SMARCA2: variants seen among roughly 807,000 people sequenced by gnomAD.
SMARCA2 encodes SWI/SNF related BAF chromatin remodeling complex subunit ATPase 2.
A neutral mutation model predicts 199.8 loss-of-function variants in SMARCA2; 61 were observed. That is an observed-to-expected ratio of 0.31 (90% CI 0.25 to 0.38). The LOEUF (loss-of-function observed/expected upper bound fraction) is 0.38, where lower values mean the gene tolerates loss of function less well. Ranked by LOEUF, SMARCA2 falls within the 10% of genes least tolerant of loss-of-function variation. The pLI is 1.00. For missense variants in SMARCA2, 1,344 were observed against 2,012.2 expected, an observed-to-expected ratio of 0.67 and a Z score of 6.35; for synonymous variants, 935 against 732.0, an observed-to-expected ratio of 1.28 and a Z score of -4.48.
chr9:2,025,807 C>G (rs968867604), intron 1 of SMARCA2, among the ~76,000 whole-genome samples: 1 of 152,022 alleles, frequency 6.6e-6, no homozygotes, highest in African/African-American at 2.4e-5. Context: ...AATTGCCACC[C>G]GAAATGTAGA....
intron 27 of SMARCA2, among the ~76,000 whole-genome samples, chr9:2,142,838 T>C (rs998931470): frequency 6.6e-6 from 1 of 152,132 alleles, no homozygotes; most frequent in African/African-American, 2.4e-5. Context: ...CGCGTTTCCC[T>C]AGCAAGCTCT....
chr9:2,187,334 A>C (rs1263760687), intron 32 of SMARCA2, among the ~76,000 whole-genome samples: 1 of 152,176 alleles, frequency 6.6e-6, no homozygotes, highest in Non-Finnish European at 1.5e-5. Flanking sequence ...GCCGTGACTG[A>C]TAACCCAAAT....
At chr9:2,029,329 CTGT>C (rs1329494650) in intron 2 of SMARCA2, 82 bp downstream of exon 2, 1 of 1,523,194 alleles carries the variant, frequency 6.6e-7, no homozygotes, top group African/African-American at 1.4e-5. Flanking sequence ...CCCCTTTCTA[CTGT>C]TGTTAACAAG....
rs1190193582 is a variant in SMARCA2 at position 2,156,347 on chromosome 9, T to TC, written c.3982-5339_3982-5338insC. On this transcript the variant is annotated intron_variant, in intron 27 of 33. Transcript: ENST00000349721. Reference sequence around the variant, plus strand: ...GGGTTAAGTTGTTCCTTAATTTAGATAATTTGGTTTCTTTTCAGGGACTTT... The same window carrying TC: ...GGGTTAAGTTGTTCCTTAATTTAGATCAATTTGGTTTCTTTTCAGGGACTTT... Among the ~76,000 whole-genome samples, 5 of 107,160 alleles carry TC rather than the reference T, an allele frequency of 4.7e-5. No individual in the cohort carries two copies. The East Asian group carries it at 1.4e-3, about 29-fold the overall frequency. 70.3% of individuals were successfully genotyped at this position (107,160 alleles called of 152,430 possible). A position where few individuals can be genotyped will look rare whatever the true frequency, so the allele number is the denominator to read the frequency against.
intron 29 of SMARCA2, among the ~76,000 whole-genome samples, chr9:2,174,136 G>A (rs1260443569): frequency 6.6e-6 from 1 of 152,018 alleles, no homozygotes. Context: ...TTATCTTCCA[G>A]CATTAGCCTG....
In SMARCA2 at chr9:2,170,285, G is replaced by A. The variant is rs73376704; in HGVS notation, c.4200-134G>A. ...CGAATGAGGTTCCAAACATAACCCC[G>A]TGTAATCTTCCTAACAAGGCAGGTT... On this transcript the variant is annotated intron_variant, in intron 28 of 33. Transcript: ENST00000349721. This position sits in a 1 kb window ranked among gnomAD's most constrained non-coding sequence, Gnocchi z 4.7. 5,674 of 1,068,586 alleles carry A rather than the reference G, an allele frequency of 5.3e-3. 157 individuals are homozygous for A. The African/African-American group carries it at 0.065, about 12-fold the overall frequency. 66.2% of individuals were successfully genotyped at this position (1,068,586 alleles called of 1,614,324 possible).
chr9:2,094,590 T>G (rs7851746), intron 19 of SMARCA2, among the ~76,000 whole-genome samples: 8,614 of 152,288 alleles, frequency 0.057, 738 homozygotes, highest in African/African-American at 0.18. Context: ...GAAAATCTCC[T>G]CAGTCGTCCT....
At chr9:2,118,898 A>C (rs1823331549) in intron 25 of SMARCA2, among the ~76,000 whole-genome samples, 1 of 152,210 alleles carries the variant, frequency 6.6e-6, no homozygotes. Flanking sequence ...CATTAACAAT[A>C]ATACCCATAG....
chr9:2,100,318 C>G (rs1822455234), intron 21 of SMARCA2, among the ~76,000 whole-genome samples: 1 of 152,198 alleles, frequency 6.6e-6, no homozygotes, highest in Non-Finnish European at 1.5e-5. Context: ...GTTCTGTATT[C>G]TGAAAACAGA....
intron 5 of SMARCA2, 140 bp downstream of exon 5, chr9:2,047,624 T>C: frequency 1.9e-6 from 2 of 1,056,122 alleles, no homozygotes; most frequent in East Asian, 3.7e-5. Flanking sequence ...CATCCACTCC[T>C]GGGGCCTTCC....
At chr9:2,047,505 G>C (rs769905299) in intron 5 of SMARCA2, 21 bp downstream of exon 5, 147 of 1,385,544 alleles carry the variant, frequency 1.1e-4, no homozygotes, top group Non-Finnish European at 1.3e-4. Context: ...CCGCCAGCAA[G>C]GGGCCCCCTG....
intron 14 of SMARCA2, among the ~76,000 whole-genome samples, chr9:2,080,315 C>G (rs1821510432): frequency 1.3e-5 from 2 of 152,212 alleles, no homozygotes; most frequent in African/African-American, 4.8e-5. Context: ...AGTTTCCAGC[C>G]TGAGAAAATC....
chr9:2,102,167 T>TG (rs1440634610), intron 22 of SMARCA2, among the ~76,000 whole-genome samples: 1 of 150,106 alleles, frequency 6.7e-6, no homozygotes, highest in East Asian at 1.9e-4. Flanking sequence ...GTGTGTGTGG[T>TG]GTGTTGCAAA....
Position 2,169,628 on chromosome 9 carries a change from G to A in SMARCA2, c.4200-791G>A, listed in dbSNP as rs1401529881. Among the ~76,000 whole-genome samples, 1 of 152,130 alleles carries A rather than the reference G, an allele frequency of 6.6e-6. No homozygotes were observed. The highest frequency in any genetic ancestry group is 1.5e-5 in the Non-Finnish European group (1 of 68,024). ...CCGAGAAGGGATTTATACATGGACA[G>A]GCACAGGCTGTGAATCCCAAAGGGT... On this transcript the variant is annotated intron_variant, in intron 28 of 33. Transcript: ENST00000349721. The surrounding 1 kb of genome is among the most constrained non-coding windows in gnomAD (Gnocchi z 6.5).
intron 27 of SMARCA2, among the ~76,000 whole-genome samples, chr9:2,149,444 C>G (rs563910135): frequency 1.3e-5 from 2 of 151,338 alleles, no homozygotes; most frequent in South Asian, 4.2e-4. Flanking sequence ...TGCTTGAACC[C>G]GGGAAGCAGA....
chr9:2,192,644 A>C (rs576859698), intron 33 of SMARCA2, 60 bp from the exon 34 acceptor site: 4 of 1,173,798 alleles, frequency 3.4e-6, no homozygotes, highest in East Asian at 4.7e-5. Flanking sequence ...GTTTGTTGTT[A>C]TATCTTCTTT....
At chr9:2,152,751 C>A (rs1019424530) in intron 27 of SMARCA2, among the ~76,000 whole-genome samples, 2 of 148,772 alleles carry the variant, frequency 1.3e-5, no homozygotes, top group East Asian at 4.1e-4. Context: ...GCTTGAGAGT[C>A]TTGGGCAGGA....
intron 25 of SMARCA2, among the ~76,000 whole-genome samples, chr9:2,116,518 G>C (rs747109148): frequency 5.9e-5 from 9 of 152,150 alleles, no homozygotes; most frequent in African/African-American, 2.2e-4. Context: ...GCCATCTTCC[G>C]CACATTTAGC....
At chr9:2,134,699 G>T (rs904616909) in intron 27 of SMARCA2, among the ~76,000 whole-genome samples, 2 of 152,148 alleles carry the variant, frequency 1.3e-5, no homozygotes, top group Non-Finnish European at 2.9e-5. Context: ...AAATGGATAT[G>T]TTGAAATCCT....
Sources: allele counts gnomAD v4.1 joint callset (sites outside exome capture counted in the v4.1 genomes callset), GRCh38; gene constraint gnomAD v4.1.1; non-coding constraint Gnocchi (gnomAD v3.1); transcripts MANE v1.5; gene names NCBI Gene and HGNC (gene_info 2026-07-23, HGNC 2026-07-21).